Variants in RNF17 observed in about 807,000 individuals in gnomAD.
RNF17 encodes the protein spermatogenesis associated 23.
RNF17 carries 31 observed loss-of-function variants against 200.5 expected under a neutral mutation model. The observed-to-expected ratio is 0.15, with a 90% confidence interval of 0.12 to 0.21. RNF17 has a LOEUF of 0.21. Among genes scored for constraint, RNF17 ranks in the 10% least tolerant of loss-of-function variants. RNF17 has a pLI of 1.00. For missense variants in RNF17, 1,628 were observed against 1,905.1 expected (o/e 0.85, Z 2.71); for synonymous variants, 606 against 637.8 (o/e 0.95, Z 0.75).
the RNF17 span, chr13:24,886,211 T>G: frequency 1.3e-6 from 1 of 784,140 alleles, no homozygotes; most frequent in Non-Finnish European, 1.9e-6. Context: ...TATGTGCCAA[T>G]GGATCATATT....
At chr13:24,813,233 C>T (rs1000645510) in intron 15 of RNF17, among the ~76,000 whole-genome samples, 2 of 152,206 alleles carry the variant, frequency 1.3e-5, no homozygotes, top group Non-Finnish European at 2.9e-5. Flanking sequence ...ATTGTAAGCT[C>T]ACTGCAGCCT....
At chr13:24,870,199 G>A (rs934138218) in intron 31 of RNF17, among the ~76,000 whole-genome samples, 10 of 151,910 alleles carry the variant, frequency 6.6e-5, no homozygotes, top group African/African-American at 1.2e-4. Flanking sequence ...ACCCTGCCGC[G>A]GCCTCCAAAA....
chr13:24,790,110 G>T (rs1460670782), intron 9 of RNF17, among the ~76,000 whole-genome samples: 2 of 152,126 alleles, frequency 1.3e-5, no homozygotes, highest in African/African-American at 4.8e-5. Flanking sequence ...AATTGCTAGG[G>T]TAATGTATGC....
At chr13:24,886,255 T>C in the RNF17 span, 1 of 1,223,994 alleles carries the variant, frequency 8.2e-7, no homozygotes, top group Non-Finnish European at 1.1e-6. Flanking sequence ...CTCGAGCAAG[T>C]GCCAGAATCT....
Position 24,804,282 on chromosome 13 carries a change from A to G in RNF17, c.1950-6A>G, listed in dbSNP as rs201938098. On this transcript the variant is annotated splice_polypyrimidine_tract_variant and splice_region_variant and intron_variant, in intron 14 of 35. Coordinates refer to ENST00000255324, the MANE Select transcript of RNF17 (RefSeq NM_031277.3). ...TGCTTACGCTTTTCATTATGCTTTTAATTAGGTTTAAGTCACAATCACTAA... is the reference window on the plus strand; with the variant it reads ...TGCTTACGCTTTTCATTATGCTTTTGATTAGGTTTAAGTCACAATCACTAA... 6.2e-7 allele frequency: 1 copy of G among 1,611,092 alleles called. No homozygotes were observed. The highest frequency in any genetic ancestry group is 8.5e-7 in the Non-Finnish European group (1 of 1,178,074).
chr13:24,787,367 G>C (rs900026379), intron 6 of RNF17, among the ~76,000 whole-genome samples: 2 of 152,054 alleles, frequency 1.3e-5, no homozygotes, highest in Non-Finnish European at 2.9e-5. Flanking sequence ...CCTTTGAATG[G>C]GTCATGTTTT....
chr13:24,867,360 A>T (rs1893744217), intron 30 of RNF17, among the ~76,000 whole-genome samples: 1 of 152,094 alleles, frequency 6.6e-6, no homozygotes, highest in Non-Finnish European at 1.5e-5. Flanking sequence ...CCTTTTAAGT[A>T]CCAAAGTTTT....
At chr13:24,801,758 A>C (rs1415316719) in intron 13 of RNF17, among the ~76,000 whole-genome samples, 1 of 152,218 alleles carries the variant, frequency 6.6e-6, no homozygotes, top group African/African-American at 2.4e-5. Flanking sequence ...AGGCATACCT[A>C]TACTTTCAGA....
upstream of RNF17, among the ~76,000 whole-genome samples, chr13:24,759,561 T>C (rs1189343964): frequency 6.6e-6 from 1 of 152,160 alleles, no homozygotes; most frequent in East Asian, 1.9e-4. Flanking sequence ...TATCACAAGA[T>C]GTTGTAGTTG....
rs147551178 is a variant in RNF17 at position 24,814,782 on chromosome 13, G to A, written c.2091+10353G>A. 1.4e-4 allele frequency among the ~76,000 whole-genome samples: 21 copies of A among 152,324 alleles called. No individual in the cohort carries two copies. The East Asian group carries it at 3.9e-3, about 28-fold the overall frequency. On this transcript the variant is annotated intron_variant, in intron 15 of 35. Transcript: ENST00000255324. ...GTGTTGTAACTTTTGAAATCAAAACGTGTGAGTCTTCCAACTTTGTTCTTT... is the reference window on the plus strand; with the variant it reads ...GTGTTGTAACTTTTGAAATCAAAACATGTGAGTCTTCCAACTTTGTTCTTT...
chr13:24,820,128 T>C (rs9553450), intron 15 of RNF17, among the ~76,000 whole-genome samples: 10 of 112,638 alleles, frequency 8.9e-5, no homozygotes, highest in African/African-American at 2.7e-4. Context: ...TTTCTTTTTT[T>C]TTTTTTTTTT....
rs1448034588 is a variant in RNF17, at chr13:24,842,984, C to CT, written c.2604-759dup. Among the ~76,000 whole-genome samples, 30 of 147,692 alleles carry CT rather than the reference C, an allele frequency of 2.0e-4. No homozygotes were observed. The South Asian group carries it at 6.0e-3, about 29-fold the overall frequency. On this transcript the variant is annotated intron_variant, in intron 19 of 35. Transcript: ENST00000255324. ...AGTGTCTGACAGAGCAAGACTCTGTCTAAAAAAAAAAAAAGAAAAAAGAAA... is the reference window on the plus strand; with the variant it reads ...AGTGTCTGACAGAGCAAGACTCTGTCTTAAAAAAAAAAAAAGAAAAAAGAAA...
chr13:24,854,543 C>T (rs747226354), intron 25 of RNF17, among the ~76,000 whole-genome samples: 1 of 151,950 alleles, frequency 6.6e-6, no homozygotes, highest in Non-Finnish European at 1.5e-5. Context: ...AAACTGAAAT[C>T]ACACACTGGG....
intron 11 of RNF17, among the ~76,000 whole-genome samples, chr13:24,796,786 C>T (rs989193650): frequency 2.6e-5 from 4 of 152,112 alleles, no homozygotes; most frequent in South Asian, 2.1e-4. Context: ...TGCCATGCTT[C>T]GGGCTTTTGT....
At chr13:24,787,324 C>A (rs1430985301) in intron 6 of RNF17, among the ~76,000 whole-genome samples, 2 of 152,142 alleles carry the variant, frequency 1.3e-5, no homozygotes, top group Admixed American at 6.5e-5. Flanking sequence ...GCCTGTGCTT[C>A]TTTGAGAACT....
chr13:24,874,027 AG>A (rs1337078350), intron 32 of RNF17, 86 bp from the exon 33 acceptor site: 139 of 1,339,214 alleles, frequency 1.0e-4, no homozygotes, highest in Non-Finnish European at 1.4e-4. Context: ...ATGGGGTACA[AG>A]TAGCCCTTTG....
chr13:24,878,498 C>T (rs568803723), intron 34 of RNF17, among the ~76,000 whole-genome samples: 20 of 152,250 alleles, frequency 1.3e-4, no homozygotes, highest in Admixed American at 4.6e-4. Flanking sequence ...AAGCTGGTAG[C>T]GTGGCTCAGT....
At chr13:24,855,111 G>A (rs767394828) in intron 25 of RNF17, among the ~76,000 whole-genome samples, 16 of 151,934 alleles carry the variant, frequency 1.1e-4, no homozygotes, top group Non-Finnish European at 2.2e-4. Context: ...TCATCAAACT[G>A]TTCGAGATTT....
At chr13:24,846,479 G>A (rs991707739) in intron 22 of RNF17, among the ~76,000 whole-genome samples, 13 of 152,128 alleles carry the variant, frequency 8.5e-5, no homozygotes, top group Admixed American at 3.3e-4. Context: ...TAGAATACCA[G>A]ATAAAATTGT....
Sources: allele counts gnomAD v4.1 joint callset (sites outside exome capture counted in the v4.1 genomes callset), GRCh38; gene constraint gnomAD v4.1.1; transcripts MANE v1.5; gene names NCBI Gene and HGNC (gene_info 2026-07-23, HGNC 2026-07-21).